B3GAT2: variants seen among roughly 807,000 people sequenced by gnomAD.
B3GAT2 encodes the protein beta-1,3-glucuronyltransferase 2.
Under a neutral mutation model 27.8 loss-of-function variants are expected in B3GAT2, and 26 were observed. The ratio of observed to expected loss-of-function variants is 0.93; its 90% confidence interval spans 0.68 to 1.30. The LOEUF is 1.30. Ranked by LOEUF, B3GAT2 falls within the 50% of genes most tolerant of loss-of-function variation. B3GAT2 has a pLI of 0.00. For missense variants in B3GAT2, 458 were observed against 459.0 expected, an observed-to-expected ratio of 1.00 and a Z score of 0.02; for synonymous variants, 218 against 195.1, an observed-to-expected ratio of 1.12 and a Z score of -0.98.
intron 1 of B3GAT2, among the ~76,000 whole-genome samples, chr6:70,905,842 T>C (rs1394643054): frequency 6.6e-6 from 1 of 152,026 alleles, no homozygotes; most frequent in Non-Finnish European, 1.5e-5. Flanking sequence ...ATAATAATAC[T>C]TTTTCTTCTT....
At chr6:70,868,905 TTG>T (rs1771893500) in intron 2 of B3GAT2, among the ~76,000 whole-genome samples, 3 of 152,310 alleles carry the variant, frequency 2.0e-5, no homozygotes, top group East Asian at 3.9e-4. Flanking sequence ...TTTTGGAATG[TTG>T]TGTGTTTCCA....
Position 70,860,764 on chromosome 6 carries a change from G to C in B3GAT2, c.*899C>G, listed in dbSNP as rs1156479418. ...GATCAAATGTTTAATCATATAAATA[G>C]AATGTAAATGTCTCACTGAGCACTG... On this transcript the variant is annotated 3_prime_UTR_variant, in exon 4 of 4. Coordinates refer to ENST00000230053, the MANE Select transcript of B3GAT2 (RefSeq NM_080742.3). The C allele has an allele frequency of 5.8e-5, 23 of 399,454 alleles. No individual in the cohort carries two copies. Among genetic ancestry groups the C allele is most frequent in the Non-Finnish European group, 3.5e-5 (8 of 226,434 alleles). The allele number at this position is 399,454 out of a possible 1,614,324, so 24.7% of individuals were successfully genotyped here. A position where few individuals can be genotyped will look rare whatever the true frequency, so the allele number is the denominator to read the frequency against.
chr6:70,897,658 GAAAAA>G (rs71538453), intron 1 of B3GAT2, among the ~76,000 whole-genome samples: 1,380 of 134,980 alleles, frequency 0.01, 14 homozygotes, highest in African/African-American at 0.032. Flanking sequence ...AGAACTGCTT[GAAAAA>G]AAAAAAAATA....
intron 2 of B3GAT2, among the ~76,000 whole-genome samples, chr6:70,868,435 T>C (rs1216167347): frequency 6.6e-6 from 1 of 152,210 alleles, no homozygotes; most frequent in African/African-American, 2.4e-5. Context: ...TTCTATTGTG[T>C]AAGTATCAAT....
At chr6:70,896,979 C>T (rs1393904147) in intron 1 of B3GAT2, among the ~76,000 whole-genome samples, 1 of 152,126 alleles carries the variant, frequency 6.6e-6, no homozygotes, top group Non-Finnish European at 1.5e-5. Flanking sequence ...TTTTCAGAAA[C>T]TGTCAGATTA....
At chr6:70,954,131 G>C (rs977289940) in intron 1 of B3GAT2, among the ~76,000 whole-genome samples, 3 of 152,198 alleles carry the variant, frequency 2.0e-5, no homozygotes, top group Non-Finnish European at 4.4e-5. Context: ...AGGCAACTTC[G>C]AAGTTGTAGA....
At chr6:70,892,548 T>TTGTGACTGTGAG (rs1772308367) in intron 2 of B3GAT2, among the ~76,000 whole-genome samples, 1 of 152,158 alleles carries the variant, frequency 6.6e-6, no homozygotes, top group Non-Finnish European at 1.5e-5. Context: ...TGCGGCTGCT[T>TTGTGACTGTGAG]GAGCAGTCAC....
At chr6:70,935,386 G>A (rs1174289637) in intron 1 of B3GAT2, among the ~76,000 whole-genome samples, 2 of 152,042 alleles carry the variant, frequency 1.3e-5, no homozygotes, top group Non-Finnish European at 2.9e-5. Context: ...CCAGGGAGGT[G>A]GAGGCTGCAG....
chr6:70,878,598 TTTAA>T (rs1181437181), intron 2 of B3GAT2, among the ~76,000 whole-genome samples: 1 of 152,208 alleles, frequency 6.6e-6, no homozygotes. Context: ...TTTAGAGCAA[TTTAA>T]TTTTTTTCAC....
intron 1 of B3GAT2, among the ~76,000 whole-genome samples, chr6:70,930,561 T>A (rs1044580365): frequency 6.6e-6 from 1 of 150,920 alleles, no homozygotes. Context: ...TCAAAAGACA[T>A]GCAGCCAACA....
At chr6:70,955,774 C>G in intron 1 of B3GAT2, 65 bp downstream of exon 1, 3 of 1,476,486 alleles carry the variant, frequency 2.0e-6, no homozygotes, top group Non-Finnish European at 2.7e-6. Flanking sequence ...CGTGTGACTG[C>G]AGCCCGGCCG....
At chr6:70,901,248 G>A (rs1772493728) in intron 1 of B3GAT2, among the ~76,000 whole-genome samples, 1 of 152,152 alleles carries the variant, frequency 6.6e-6, no homozygotes, top group South Asian at 2.1e-4. Context: ...AGATGATTAA[G>A]GGTAACATCG....
In B3GAT2 at chr6:70,894,154, T is replaced by A. The variant is rs1772338023; in HGVS notation, c.710A>T (p.Asp237Val). 3 of 1,613,182 alleles carry A rather than the reference T, an allele frequency of 1.9e-6. No individual in the cohort carries two copies. The South Asian group carries it at 3.3e-5, about 18-fold the overall frequency. The part of the protein sequence containing the change: ...VVGWYTGWRA[D>V]RPFAIDMAGF... ...TGCCATGTCGATGGCAAAAGGCCTG[T>A]CTGCTCTCCAGCCGGTGTACCAGCC... The change falls in exon 2 of 4, where the codon GAC (aspartate) becomes GTC (valine). Residue 237 changes from aspartate to valine, a missense_variant. By Grantham distance (152) the Asp-to-Val change is radical. Transcript: ENST00000230053.
chr6:70,895,494 G>GA (rs1554214187), intron 1 of B3GAT2, among the ~76,000 whole-genome samples: 1 of 111,406 alleles, frequency 9.0e-6, no homozygotes, highest in African/African-American at 3.1e-5. Context: ...CCAAAAAGGG[G>GA]ATTTTTTTTT....
intron 2 of B3GAT2, among the ~76,000 whole-genome samples, chr6:70,881,212 T>C (rs1030577787): frequency 7.9e-5 from 12 of 152,200 alleles, no homozygotes; most frequent in African/African-American, 2.7e-4. Flanking sequence ...CATGAGGTTA[T>C]TCCAGCAGTC....
intron 1 of B3GAT2, among the ~76,000 whole-genome samples, chr6:70,904,334 G>C (rs1772560932): frequency 6.6e-6 from 1 of 152,020 alleles, no homozygotes; most frequent in Non-Finnish European, 1.5e-5. Flanking sequence ...CTTTCGTTTA[G>C]GTAAACTATA....
chr6:70,946,750 C>T (rs1765491102), intron 1 of B3GAT2, among the ~76,000 whole-genome samples: 1 of 152,060 alleles, frequency 6.6e-6, no homozygotes, highest in Admixed American at 6.6e-5. Context: ...ATCTAAAGAA[C>T]TCTCCACCCC....
intron 2 of B3GAT2, 164 bp from the exon 3 acceptor site, chr6:70,862,142 A>G (rs955069381): frequency 2.4e-5 from 15 of 637,428 alleles, no homozygotes; most frequent in Non-Finnish European, 3.7e-5. Context: ...TACAGTCTCA[A>G]AGGAAAATCA....
At chr6:70,931,525 G>A (rs930765646) in intron 1 of B3GAT2, among the ~76,000 whole-genome samples, 2 of 152,224 alleles carry the variant, frequency 1.3e-5, no homozygotes, top group Middle Eastern at 3.4e-3. Context: ...AGGTGGTTAT[G>A]CTCCCACATA....
Sources: allele counts gnomAD v4.1 joint callset (sites outside exome capture counted in the v4.1 genomes callset), GRCh38; gene constraint gnomAD v4.1.1; transcripts MANE v1.5; gene names NCBI Gene and HGNC (gene_info 2026-07-23, HGNC 2026-07-21).